The following FAF1 variants were observed in gnomAD, a reference collection of about 807,000 sequenced individuals.
FAF1 encodes the protein FAS-associated factor 1.
FAF1 carries 25 observed loss-of-function variants against 92.5 expected under a neutral mutation model. The ratio of observed to expected loss-of-function variants is 0.27; its 90% CI spans 0.20 to 0.38. The LOEUF (loss-of-function observed/expected upper bound fraction) is 0.38, where lower values mean the gene tolerates loss of function less well. Among genes scored for constraint, FAF1 ranks in the 10% least tolerant of loss-of-function variants. The pLI, the probability that FAF1 is intolerant of heterozygous loss-of-function variation, is 1.00. For synonymous variants in FAF1, 234 were observed against 273.2 expected, an observed-to-expected ratio of 0.86 and a Z score of 1.42; for missense variants, 636 against 793.3, an observed-to-expected ratio of 0.80 and a Z score of 2.38.
intron 9 of FAF1, among the ~76,000 whole-genome samples, chr1:50,593,399 T>C (rs1651624616): frequency 6.6e-6 from 1 of 152,144 alleles, no homozygotes; most frequent in South Asian, 2.1e-4. Flanking sequence ...ACAGAATAAT[T>C]AAAAATTTTG....
Position 50,929,086 on chromosome 1 carries a change from AAAAG to A in FAF1, c.45+30677_45+30680del, listed in dbSNP as rs1557593089. Among the ~76,000 whole-genome samples the A allele has an allele frequency of 1.3e-4, 5 of 37,620 alleles. No individual in the cohort carries two copies. In the East Asian group the frequency reaches 1.9e-3, roughly 15 times the overall value. The allele number at this position is 37,620 out of a possible 152,430, so 24.7% of individuals were successfully genotyped here. ...GACACTGTCTCAAAAAAAAAAAAAA[AAAAG>A]AAAGAAAAGAAAAAAAAACTGGGAA... On this transcript the variant is annotated intron_variant, in intron 1 of 18. Coordinates refer to ENST00000396153, the MANE Select transcript of FAF1 (RefSeq NM_007051.3).
chr1:50,715,187 T>C (rs1338200387), intron 6 of FAF1, among the ~76,000 whole-genome samples: 1 of 152,218 alleles, frequency 6.6e-6, no homozygotes, highest in African/African-American at 2.4e-5. Context: ...TCCAGTGTTA[T>C]TTGCAACAAA....
chr1:50,724,312 C>CACAT (rs1658554523), intron 6 of FAF1, among the ~76,000 whole-genome samples: 1 of 104,944 alleles, frequency 9.5e-6, no homozygotes, highest in African/African-American at 4.5e-5. Flanking sequence ...CACACACACA[C>CACAT]ACACACACAC....
chr1:50,873,787 G>C (rs1281563349), intron 1 of FAF1, among the ~76,000 whole-genome samples: 1 of 152,216 alleles, frequency 6.6e-6, no homozygotes. Flanking sequence ...CAAGGTGGCA[G>C]TGTGAGTTTA....
chr1:50,846,791 C>A, intron 2 of FAF1: 2 of 691,446 alleles, frequency 2.9e-6, no homozygotes, highest in South Asian at 1.4e-5. Context: ...AAGGGATTGT[C>A]CCAATCCCAC....
intron 2 of FAF1, chr1:50,846,464 C>CA: frequency 1.3e-5 from 6 of 465,240 alleles, no homozygotes; most frequent in East Asian, 5.9e-5. Flanking sequence ...ATCGAGCCTC[C>CA]AGGCATGCCC....
intron 2 of FAF1, among the ~76,000 whole-genome samples, chr1:50,828,848 C>G (rs1339889123): frequency 6.6e-6 from 1 of 152,172 alleles, no homozygotes; most frequent in Non-Finnish European, 1.5e-5. Context: ...TTATTAAAGA[C>G]TCATTAAAAG....
intron 7 of FAF1, among the ~76,000 whole-genome samples, chr1:50,668,285 A>G (rs987196195): frequency 2.6e-5 from 4 of 152,336 alleles, no homozygotes; most frequent in South Asian, 2.1e-4. Context: ...TTCTCTCTGC[A>G]TAACTAACGC....
At chr1:50,653,957 C>T (rs891841024) in intron 8 of FAF1, among the ~76,000 whole-genome samples, 5 of 152,168 alleles carry the variant, frequency 3.3e-5, no homozygotes, top group East Asian at 1.9e-4. Context: ...TGTGAGTCAC[C>T]GTGCCTGACC....
Position 50,439,007 on chromosome 1 carries a change from C to T in FAF1, c.*2433G>A, listed in dbSNP as rs745418343. ...ACTTCCTTTAACTTTCAAACTAATG[C>T]TGCAACTGCACATCCAGCAGTCCAA... On this transcript the variant is annotated 3_prime_UTR_variant, in exon 19 of 19. Transcript: ENST00000396153. 8 of 152,236 alleles carry T rather than the reference C, an allele frequency of 5.3e-5. No homozygotes were observed. The highest frequency in any genetic ancestry group is 7.3e-5 in the Non-Finnish European group (5 of 68,048). 9.4% of individuals were successfully genotyped at this position (152,236 alleles called of 1,614,324 possible). A position where few individuals can be genotyped will look rare whatever the true frequency, so the allele number is the denominator to read the frequency against.
intron 15 of FAF1, among the ~76,000 whole-genome samples, chr1:50,524,215 G>A (rs547370796): frequency 9.9e-5 from 15 of 152,132 alleles, no homozygotes; most frequent in South Asian, 4.1e-4. Flanking sequence ...GTGTCTGTTC[G>A]TGCCCTTTGG....
intron 8 of FAF1, among the ~76,000 whole-genome samples, chr1:50,619,205 C>A (rs1038178619): frequency 6.6e-6 from 1 of 152,190 alleles, no homozygotes; most frequent in Non-Finnish European, 1.5e-5. Flanking sequence ...CATTCTGTGT[C>A]TTTTAAGTGA....
chr1:50,868,475 G>C (rs142767925), intron 1 of FAF1, among the ~76,000 whole-genome samples: 1 of 151,882 alleles, frequency 6.6e-6, no homozygotes, highest in Non-Finnish European at 1.5e-5. Flanking sequence ...TGCTCTTCCA[G>C]CTTCTTACGG....
chr1:50,900,740 G>T (rs191083458), intron 1 of FAF1, among the ~76,000 whole-genome samples: 3 of 151,894 alleles, frequency 2.0e-5, no homozygotes, highest in African/African-American at 7.3e-5. Flanking sequence ...AATATAAATC[G>T]TCATTTTTTA....
chr1:50,861,043 G>A (rs1644428145), intron 1 of FAF1, among the ~76,000 whole-genome samples: 1 of 151,780 alleles, frequency 6.6e-6, no homozygotes, highest in African/African-American at 2.4e-5. Flanking sequence ...GGTACTCATG[G>A]ACAGAAAGAA....
At chr1:50,770,457 C>G (rs1660739403) in intron 4 of FAF1, among the ~76,000 whole-genome samples, 1 of 152,090 alleles carries the variant, frequency 6.6e-6, no homozygotes, top group African/African-American at 2.4e-5. Flanking sequence ...TTCTACATAC[C>G]TACAATGTCC....
intron 4 of FAF1, among the ~76,000 whole-genome samples, chr1:50,777,084 C>T (rs938324144): frequency 2.0e-5 from 3 of 151,572 alleles, no homozygotes; most frequent in African/African-American, 7.3e-5. Flanking sequence ...CATAGTGAGA[C>T]CCCATCTACA....
intron 8 of FAF1, among the ~76,000 whole-genome samples, chr1:50,596,563 C>G (rs1334073302): frequency 6.6e-6 from 1 of 152,086 alleles, no homozygotes; most frequent in Non-Finnish European, 1.5e-5. Context: ...TTTCCTAACT[C>G]CGAAGGCAGT....
rs144877387 is a variant in FAF1 at position 50,584,375 on chromosome 1, A to G, written c.967+310T>C. 2.5e-3 allele frequency among the ~76,000 whole-genome samples: 386 copies of G among 152,268 alleles called. 9 individuals are homozygous for G. In the East Asian group the frequency reaches 0.06, roughly 24 times the overall value. ...ATGTGGGGAAACAAGTATCGGTCAC[A>G]GAAAGTACACCTGTTTGTTAATCAG... On this transcript the variant is annotated intron_variant, in intron 10 of 18. Coordinates refer to ENST00000396153, the MANE Select transcript of FAF1 (RefSeq NM_007051.3).
Sources: gnomAD v4.1 joint callset for allele counts (sites outside exome capture counted in the v4.1 genomes callset) on GRCh38, gnomAD v4.1.1 for gene constraint, MANE v1.5 for transcripts, NCBI Gene and HGNC (gene_info 2026-07-23, HGNC 2026-07-21) for gene names.